Variants in CNTNAP5 observed in about 807,000 individuals in gnomAD.
CNTNAP5 encodes contactin-associated protein-like 5.
Under a neutral mutation model 150.2 loss-of-function variants are expected in CNTNAP5, and 72 were observed. The ratio of observed to expected loss-of-function variants is 0.48; its 90% CI spans 0.40 to 0.58. The LOEUF is 0.58. CNTNAP5 is among the 20% of genes least tolerant of loss of function. The pLI is 0.00. For missense variants in CNTNAP5, 1,636 were observed against 1,626.2 expected, an observed-to-expected ratio of 1.01 and a Z score of -0.10; for synonymous variants, 672 against 619.8, an observed-to-expected ratio of 1.08 and a Z score of -1.25.
At chr2:124,764,220 C>CT in intron 16 of CNTNAP5, 73 bp downstream of exon 16, 1 of 1,142,998 alleles carries the variant, frequency 8.7e-7, no homozygotes, top group Admixed American at 1.8e-5. Context: ...TGCCACCAGT[C>CT]ACTAGTGGGC....
intron 21 of CNTNAP5, among the ~76,000 whole-genome samples, chr2:124,896,258 A>C (rs1219821108): frequency 6.6e-6 from 1 of 151,524 alleles, no homozygotes; most frequent in African/African-American, 2.4e-5. Flanking sequence ...AAGAATGAAG[A>C]AGTTTGAAAT....
At chr2:124,680,253 T>C (rs1679035991) in intron 13 of CNTNAP5, among the ~76,000 whole-genome samples, 1 of 151,890 alleles carries the variant, frequency 6.6e-6, no homozygotes, top group Non-Finnish European at 1.5e-5. Context: ...GGTTCCTCCT[T>C]TGGAAGTTTC....
At chr2:124,583,478 G>A (rs536303773) in intron 11 of CNTNAP5, among the ~76,000 whole-genome samples, 4 of 152,334 alleles carry the variant, frequency 2.6e-5, no homozygotes, top group Admixed American at 6.5e-5. Flanking sequence ...GCAGGGGAAA[G>A]AGACAGTAGT....
At chr2:124,086,377 G>T (rs1283507260) in intron 1 of CNTNAP5, among the ~76,000 whole-genome samples, 1 of 151,006 alleles carries the variant, frequency 6.6e-6, no homozygotes. Context: ...CTAATTTCTT[G>T]TATTTTTAGT....
intron 14 of CNTNAP5, among the ~76,000 whole-genome samples, chr2:124,760,195 A>G (rs952951665): frequency 1.3e-5 from 2 of 151,896 alleles, no homozygotes; most frequent in Non-Finnish European, 1.5e-5. Context: ...TCAGATTCAC[A>G]TAAGGACTTC....
chr2:124,776,950 A>G (rs1681337312), intron 17 of CNTNAP5, among the ~76,000 whole-genome samples: 1 of 152,028 alleles, frequency 6.6e-6, no homozygotes, highest in African/African-American at 2.4e-5. Flanking sequence ...GTATACTTCA[A>G]TTTTTTTAGG....
At chr2:124,256,740 G>A (rs1040412147) in intron 3 of CNTNAP5, among the ~76,000 whole-genome samples, 7 of 152,156 alleles carry the variant, frequency 4.6e-5, no homozygotes, top group African/African-American at 1.7e-4. Flanking sequence ...TCTATTCTAT[G>A]GAAGTGTATG....
At chr2:124,171,156 A>G (rs1252178629) in intron 1 of CNTNAP5, among the ~76,000 whole-genome samples, 2 of 152,194 alleles carry the variant, frequency 1.3e-5, no homozygotes, top group Non-Finnish European at 1.5e-5. Context: ...AGCGATATAA[A>G]ATGTTGGCTT....
At chr2:124,322,363 C>T (rs182777939) in intron 3 of CNTNAP5, among the ~76,000 whole-genome samples, 1 of 152,154 alleles carries the variant, frequency 6.6e-6, no homozygotes, top group Admixed American at 6.5e-5. Flanking sequence ...CCCAGCTCTG[C>T]CAGAAACCAG....
chr2:124,603,825 A>G (rs1224916410), intron 11 of CNTNAP5, among the ~76,000 whole-genome samples: 2 of 152,204 alleles, frequency 1.3e-5, no homozygotes, highest in Admixed American at 6.5e-5. Flanking sequence ...ACATACATGC[A>G]TACATATATA....
At chr2:124,487,469 A>G (rs150288444) in intron 7 of CNTNAP5, among the ~76,000 whole-genome samples, 2 of 152,230 alleles carry the variant, frequency 1.3e-5, no homozygotes, top group African/African-American at 4.8e-5. Context: ...TACTTCATTT[A>G]TATGTGCCAC....
intron 1 of CNTNAP5, among the ~76,000 whole-genome samples, chr2:124,215,712 CAAAAAAAAAA>C (rs397985759): frequency 1.2e-5 from 1 of 82,058 alleles, no homozygotes; most frequent in African/African-American, 4.4e-5. Context: ...AGAAGAAAGG[CAAAAAAAAAA>C]AAAAAAAAAA....
intron 3 of CNTNAP5, among the ~76,000 whole-genome samples, chr2:124,272,313 T>C (rs1687779501): frequency 1.3e-5 from 2 of 152,178 alleles, no homozygotes; most frequent in Non-Finnish European, 2.9e-5. Context: ...GCTTATGAAG[T>C]AGGTACTTTT....
intron 1 of CNTNAP5, among the ~76,000 whole-genome samples, chr2:124,046,433 GAAA>G (rs55954535): frequency 1.5e-5 from 2 of 134,610 alleles, no homozygotes; most frequent in Non-Finnish European, 3.1e-5. Flanking sequence ...ACAAAAGAGA[GAAA>G]AAAAAAAAAA....
intron 19 of CNTNAP5, among the ~76,000 whole-genome samples, chr2:124,827,637 A>G (rs910478989): frequency 2.6e-5 from 4 of 152,162 alleles, no homozygotes; most frequent in Non-Finnish European, 4.4e-5. Context: ...TAGTCCACTT[A>G]CATATTTTTT....
At chr2:124,532,326 T>C (rs1255991229) in intron 10 of CNTNAP5, among the ~76,000 whole-genome samples, 2 of 152,200 alleles carry the variant, frequency 1.3e-5, no homozygotes, top group African/African-American at 4.8e-5. Flanking sequence ...ATTCCATCTA[T>C]GAGGGGACAT....
At chr2:124,808,440 T>C (rs1036342557) in intron 19 of CNTNAP5, among the ~76,000 whole-genome samples, 4 of 151,720 alleles carry the variant, frequency 2.6e-5, no homozygotes, top group Admixed American at 2.6e-4. Context: ...ATACAAGAAT[T>C]TGTCGGGCGT....
chr2:124,324,206 T>C (rs1467249998), intron 3 of CNTNAP5, among the ~76,000 whole-genome samples: 1 of 152,174 alleles, frequency 6.6e-6, no homozygotes, highest in Non-Finnish European at 1.5e-5. Flanking sequence ...AAAAAGTTCA[T>C]GTATTCTTGG....
chr2:124,104,764 C>T (rs141315408), intron 1 of CNTNAP5, among the ~76,000 whole-genome samples: 1 of 152,282 alleles, frequency 6.6e-6, no homozygotes, highest in African/African-American at 2.4e-5. Flanking sequence ...ACACAATTCT[C>T]CTGGCCCAGC....
Sources: gnomAD v4.1 joint callset for allele counts (sites outside exome capture counted in the v4.1 genomes callset) on GRCh38, gnomAD v4.1.1 for gene constraint, MANE v1.5 for transcripts, NCBI Gene and HGNC (gene_info 2026-07-23, HGNC 2026-07-21) for gene names.